Variants in NID2 observed in about 807,000 individuals in gnomAD.
NID2 encodes nidogen-2.
Under a neutral mutation model 145.4 loss-of-function variants are expected in NID2, and 83 were observed. The ratio of observed to expected loss-of-function variants is 0.57; its 90% CI spans 0.48 to 0.69. NID2 has a LOEUF of 0.69. Among genes scored for constraint, NID2 ranks in the 30% least tolerant of loss-of-function variants. The pLI is 0.00. For synonymous variants in NID2, 739 were observed against 701.3 expected (o/e 1.05, Z -0.85); for missense variants, 1,807 against 1,765.7 (o/e 1.02, Z -0.42).
Position 52,023,602 on chromosome 14 carries a change from C to G in NID2, c.2675-3424G>C, listed in dbSNP as rs570279449. On this transcript the variant is annotated intron_variant, in intron 12 of 21. Transcript: ENST00000216286. Reference sequence around the variant, plus strand: ...TGGGCCATCTGTAACCCAGCTTCCTCCACTCACACTTGCTCCTCCTGGGAA... The same window carrying G: ...TGGGCCATCTGTAACCCAGCTTCCTGCACTCACACTTGCTCCTCCTGGGAA... Among the ~76,000 whole-genome samples, 18 of 152,286 alleles carry G rather than the reference C, an allele frequency of 1.2e-4. No homozygotes were observed. The South Asian group carries it at 3.5e-3, about 30-fold the overall frequency.
intron 8 of NID2, 56 bp from the exon 9 acceptor site, chr14:52,039,033 T>A: frequency 7.9e-7 from 1 of 1,261,128 alleles, no homozygotes; most frequent in Non-Finnish European, 1.1e-6. Flanking sequence ...GATTTTCATG[T>A]GAGGTGGATT....
At position 52,005,834 on chromosome 14, in the gene NID2, T is replaced by G. The variant is rs570619362; in HGVS notation, c.4020A>C (p.Ser1340=). The G allele has an allele frequency of 5.0e-6, 8 of 1,610,856 alleles. No individual in the cohort carries two copies. In the South Asian group the frequency reaches 7.7e-5, roughly 15 times the overall value. Reference sequence around the variant, plus strand: ...TAAACTGGCCACTATGTTTATTTACTGATACAACACCATCCCTGGTAACAG... The same window carrying G: ...TAAACTGGCCACTATGTTTATTTACGGATACAACACCATCCCTGGTAACAG... The part of the protein sequence containing the change: ...HTDWRRDGVV[S]VNKHSGQFTD... The change falls in exon 21 of 22, where the codon TCA becomes TCC. Residue 1340 remains serine (S), a synonymous_variant. Coordinates refer to ENST00000216286, the MANE Select transcript of NID2 (RefSeq NM_007361.4).
chr14:52,066,384 T>C (rs2140439362), intron 2 of NID2, among the ~76,000 whole-genome samples: 1 of 152,110 alleles, frequency 6.6e-6, no homozygotes, highest in East Asian at 1.9e-4. Context: ...AGGGTGACTA[T>C]AACCTGTGAT....
At chr14:52,050,186 C>G (rs1379303550) in intron 5 of NID2, among the ~76,000 whole-genome samples, 1 of 152,104 alleles carries the variant, frequency 6.6e-6, no homozygotes, top group Non-Finnish European at 1.5e-5. Context: ...TATCAGTAAA[C>G]CTCATTCCTT....
chr14:52,011,405 G>A (rs1221686895), intron 17 of NID2, 149 bp downstream of exon 17: 7 of 852,126 alleles, frequency 8.2e-6, no homozygotes, highest in East Asian at 2.5e-5. Context: ...GCTTACAGAG[G>A]GGGCTAGTCT....
At position 52,053,696 on chromosome 14, in the gene NID2, C is replaced by A; in HGVS notation, c.1312G>T (p.Ala438Ser). The change falls in exon 5 of 22, where the codon GCT becomes TCT. Residue 438 changes from alanine (A) to serine (S), a missense_variant. Physicochemically the swap from Ala to Ser is moderately conservative, Grantham distance 99 (BLOSUM62 1). Transcript: ENST00000216286. ...AGAACAATTTCTTCTTCAGGATGAG[C>A]TGGGGGAACATCCATTTCCGAAGGC... ...PVPSEMDVPPAHPEEEIVLRS... is the reference protein window; with the variant it reads ...PVPSEMDVPPSHPEEEIVLRS... The A allele has an allele frequency of 1.2e-6, 2 of 1,614,208 alleles. No homozygotes were observed. The highest frequency in any genetic ancestry group is 1.7e-6 in the Non-Finnish European group (2 of 1,180,036).
rs1893275109 is a variant in NID2 at position 52,067,853 on chromosome 14, C to T, written c.534+5G>A. 6.2e-7 allele frequency: 1 copy of T among 1,611,318 alleles called. No homozygotes were observed. The highest frequency in any genetic ancestry group is 8.5e-7 in the Non-Finnish European group (1 of 1,179,934). ...CTCAGCAGTCAAATATCCCTGGTCA[C>T]TTACCTCTCCCGAGGGCAGCGCCCC... is the stretch of plus-strand genomic sequence containing the variant. On this transcript the variant is annotated splice_donor_5th_base_variant and intron_variant, in intron 2 of 21. Transcript: ENST00000216286.
At chr14:52,068,215 T>C in intron 1 of NID2, 52 bp from the exon 2 acceptor site, 1 of 1,544,802 alleles carries the variant, frequency 6.5e-7, no homozygotes, top group Admixed American at 1.7e-5. Flanking sequence ...CCAAGGACGC[T>C]ACCCTTTCGC....
At position 52,010,856 on chromosome 14, in the gene NID2, A is replaced by C. The variant is rs759627148; in HGVS notation, c.3722+20T>G. The C allele has an allele frequency of 3.7e-6, 6 of 1,608,806 alleles. No homozygotes were observed. On this transcript the variant is annotated intron_variant, in intron 18 of 21. Coordinates refer to ENST00000216286, the MANE Select transcript of NID2 (RefSeq NM_007361.4). ...ATCAGGATCTACAGGTAAGAGAAGA[A>C]TTAGGGAAGCCCAGCTGACCCTCGG...
chr14:52,068,665 C>T, intron 1 of NID2, 102 bp downstream of exon 1: 2 of 1,042,276 alleles, frequency 1.9e-6, no homozygotes, highest in Non-Finnish European at 2.8e-6. Context: ...TGGGGGGCTC[C>T]AGGAGTGGGG....
At chr14:52,023,530 TGTCA>T (rs1814863743) in intron 12 of NID2, among the ~76,000 whole-genome samples, 1 of 151,822 alleles carries the variant, frequency 6.6e-6, no homozygotes. Flanking sequence ...GAAAGAATAA[TGTCA>T]GTATCTTCCC....
At chr14:52,035,386 T>G (rs1892022327) in intron 9 of NID2, among the ~76,000 whole-genome samples, 2 of 152,360 alleles carry the variant, frequency 1.3e-5, no homozygotes, top group Middle Eastern at 3.4e-3. Context: ...CTTTTCAGAC[T>G]AGCTGCTTTC....
chr14:52,021,738 CAAG>C (rs1891406708), intron 12 of NID2, among the ~76,000 whole-genome samples: 1 of 152,190 alleles, frequency 6.6e-6, no homozygotes, highest in Admixed American at 6.5e-5. Context: ...CCTATAAAGG[CAAG>C]AAAGCAGATA....
At chr14:52,021,790 T>TC (rs1298495888) in intron 12 of NID2, among the ~76,000 whole-genome samples, 1 of 152,186 alleles carries the variant, frequency 6.6e-6, no homozygotes, top group African/African-American at 2.4e-5. Flanking sequence ...CCAGATTGGC[T>TC]CCTCAGTTAC....
At chr14:52,042,006 G>T in intron 7 of NID2, 99 bp downstream of exon 7, 1 of 1,420,832 alleles carries the variant, frequency 7.0e-7, no homozygotes, top group Non-Finnish European at 9.4e-7. Flanking sequence ...TTAAACAAGT[G>T]ATTCCTCTGT....
In NID2 at chr14:52,005,405, C is replaced by A; in HGVS notation, c.*81G>T. ...CGTCTAATGGCCAATTCCTTTTTTA[C>A]TTTCTTTGCCTTTGCAGTCACTGTT... On this transcript the variant is annotated 3_prime_UTR_variant, in exon 22 of 22. Transcript: ENST00000216286. The A allele has an allele frequency of 2.9e-6, 4 of 1,364,706 alleles. No individual in the cohort carries two copies. Among genetic ancestry groups the A allele is most frequent in the Non-Finnish European group, 3.9e-6 (4 of 1,022,530 alleles). 84.5% of individuals were successfully genotyped at this position (1,364,706 alleles called of 1,614,324 possible). A position where few individuals can be genotyped will look rare whatever the true frequency, so the allele number is the denominator to read the frequency against.
intron 5 of NID2, among the ~76,000 whole-genome samples, chr14:52,049,154 A>C (rs537137632): frequency 2.1e-4 from 32 of 151,042 alleles, no homozygotes; most frequent in African/African-American, 7.3e-4. Flanking sequence ...GATTCTTAAC[A>C]TGAAGATTTT....
chr14:52,027,421 A>T (rs1056006233), intron 11 of NID2, 77 bp from the exon 12 acceptor site: 46 of 1,273,914 alleles, frequency 3.6e-5, no homozygotes, highest in Non-Finnish European at 4.5e-5. Flanking sequence ...GGCATGATCC[A>T]CAGACCAACA....
chr14:52,049,230 T>C (rs1402759064), intron 5 of NID2, among the ~76,000 whole-genome samples: 1 of 151,842 alleles, frequency 6.6e-6, no homozygotes, highest in East Asian at 1.9e-4. Context: ...ATGTCCTTAA[T>C]AGAAAGAAAA....
Sources: gnomAD v4.1 joint callset for allele counts (sites outside exome capture counted in the v4.1 genomes callset) on GRCh38, gnomAD v4.1.1 for gene constraint, MANE v1.5 for transcripts, NCBI Gene and HGNC (gene_info 2026-07-23, HGNC 2026-07-21) for gene names.